The following GAREM2 variants were observed in gnomAD, a reference collection of about 807,000 sequenced individuals.
GAREM2 encodes the protein GRB2-associated and regulator of MAPK protein 2.
GAREM2 carries 30 observed loss-of-function variants against 55.6 expected under a neutral mutation model. The ratio of observed to expected loss-of-function variants is 0.54; its 90% confidence interval spans 0.40 to 0.73. The LOEUF is 0.73. GAREM2 is among the 30% of genes least tolerant of loss of function. The probability of loss-of-function intolerance (pLI) is 0.00; values close to 1 mark genes in which losing one functional copy is unlikely to be tolerated. For missense variants in GAREM2, 1,075 were observed against 1,257.7 expected, an observed-to-expected ratio of 0.85 and a Z score of 2.20; for synonymous variants, 550 against 569.1, an observed-to-expected ratio of 0.97 and a Z score of 0.48.
At chr2:26,199,788 G>A in the GAREM2 span, among the ~76,000 whole-genome samples, 2 of 152,004 alleles carry the variant, frequency 1.3e-5, no homozygotes, top group African/African-American at 4.8e-5. Context: ...TGTTCTCTTG[G>A]AAGCCTGCAG....
At chr2:26,193,870 C>G, downstream of GAREM2, 1 of 947,892 alleles carries the variant, frequency 1.1e-6, no homozygotes, top group Non-Finnish European at 1.7e-6. Flanking sequence ...TGTGTAAAAC[C>G]CACTTCTGAG....
intron 1 of GAREM2, among the ~76,000 whole-genome samples, chr2:26,174,323 T>C (rs138401451): frequency 1.7e-4 from 26 of 152,354 alleles, no homozygotes; most frequent in Non-Finnish European, 8.8e-5. Context: ...TCTAGTTCTC[T>C]GGCTCGCGGC....
rs988555470 is a variant in GAREM2 at position 26,188,525 on chromosome 2, C to G, written c.*268C>G. On this transcript the variant is annotated 3_prime_UTR_variant, in exon 6 of 6. Coordinates refer to ENST00000401533, the MANE Select transcript of GAREM2 (RefSeq NM_001168241.2). ...GTACCTGGGCCCAGTAAGGCATTTGCCGTGATTCCCACAACGGGGTCAAAA... is the reference window on the plus strand; with the variant it reads ...GTACCTGGGCCCAGTAAGGCATTTGGCGTGATTCCCACAACGGGGTCAAAA... The G allele has an allele frequency of 2.8e-6, 1 of 356,792 alleles. No homozygotes were observed. Among genetic ancestry groups the G allele is most frequent in the East Asian group, 4.2e-5 (1 of 24,034 alleles). 22.1% of individuals were successfully genotyped at this position (356,792 alleles called of 1,614,324 possible). A position where few individuals can be genotyped will look rare whatever the true frequency, so the allele number is the denominator to read the frequency against.
chr2:26,186,129 G>T, intron 4 of GAREM2, 60 bp from the exon 5 acceptor site: 1 of 1,424,726 alleles, frequency 7.0e-7, no homozygotes. Flanking sequence ...CTTGGGAAGG[G>T]GAAGATAAGG....
chr2:26,191,879 CTT>C (rs991352957), downstream of GAREM2, among the ~76,000 whole-genome samples: 10 of 152,336 alleles, frequency 6.6e-5, no homozygotes, highest in African/African-American at 2.2e-4. Flanking sequence ...ATCAGTATCT[CTT>C]TGACATCAGC....
At chr2:26,202,330 A>G in the GAREM2 span, among the ~76,000 whole-genome samples, 7 of 152,226 alleles carry the variant, frequency 4.6e-5, no homozygotes, top group African/African-American at 1.7e-4. Flanking sequence ...CCACACTTTC[A>G]GAATAAATTA....
downstream of GAREM2, among the ~76,000 whole-genome samples, chr2:26,191,846 CAG>C (rs1027408812): frequency 2.6e-5 from 4 of 152,190 alleles, no homozygotes; most frequent in Non-Finnish European, 5.9e-5. Flanking sequence ...GCACCTAGAA[CAG>C]GGCCTGGTGC....
In GAREM2 at chr2:26,188,494, C is replaced by T; in HGVS notation, c.*237C>T. The T allele has an allele frequency of 2.6e-6, 1 of 390,140 alleles. No homozygotes were observed. Among genetic ancestry groups the T allele is most frequent in the Non-Finnish European group, 4.5e-6 (1 of 220,928 alleles). The allele number at this position is 390,140 out of a possible 1,614,324, so 24.2% of individuals were successfully genotyped here. A position where few individuals can be genotyped will look rare whatever the true frequency, so the allele number is the denominator to read the frequency against. On this transcript the variant is annotated 3_prime_UTR_variant, in exon 6 of 6. Coordinates refer to ENST00000401533, the MANE Select transcript of GAREM2 (RefSeq NM_001168241.2). ...TACATGGGGAAGGGGCTGGGGGCAC[C>T]ACTGTGTACCTGGGCCCAGTAAGGC...
intron 2 of GAREM2, among the ~76,000 whole-genome samples, chr2:26,180,123 A>C (rs1668996229): frequency 6.6e-6 from 1 of 152,076 alleles, no homozygotes. Context: ...CGGGGAGGGC[A>C]GGCCTGGGGG....
intron 2 of GAREM2, among the ~76,000 whole-genome samples, chr2:26,178,410 AC>A (rs5830003): frequency 0.72 from 104,896 of 145,058 alleles, 37,429 homozygotes; most frequent in African/African-American, 0.82. Context: ...AAAACAAACA[AC>A]CCCCCCCCCC....
chr2:26,191,487 C>G, downstream of GAREM2: 1 of 1,614,198 alleles, frequency 6.2e-7, no homozygotes, highest in Non-Finnish European at 8.5e-7. Flanking sequence ...ACCAACCTCC[C>G]AGACAAGGCG....
chr2:26,201,217 C>T, the GAREM2 span: 84 of 1,613,506 alleles, frequency 5.2e-5, no homozygotes, highest in Middle Eastern at 1.6e-4. Context: ...ATCACCATGT[C>T]GGCCTTTTCA....
Position 26,187,672 on chromosome 2 carries a change from C to T in GAREM2, c.2040C>T (p.Pro680=), listed in dbSNP as rs757179170. The T allele has an allele frequency of 1.6e-5, 24 of 1,518,276 alleles. No homozygotes were observed. Among genetic ancestry groups the T allele is most frequent in the African/African-American group, 1.1e-4 (8 of 71,734 alleles). The allele number at this position is 1,518,276 out of a possible 1,614,324, so 94.1% of individuals were successfully genotyped here. Residue 680 remains proline, a synonymous_variant, in exon 6 of 6, where the codon CCC becomes CCT. Coordinates refer to ENST00000401533, the MANE Select transcript of GAREM2 (RefSeq NM_001168241.2). ...SPGQAYSAAP[P]SSCAPSSSSS... is the part of the protein sequence containing the mutation. ...GCCAGGCCTATTCAGCTGCTCCCCC[C>T]TCCTCCTGCGCCCCCTCCTCCTCCT...
chr2:26,193,450 G>A (rs1348406105), downstream of GAREM2: 5 of 837,036 alleles, frequency 6.0e-6, no homozygotes, highest in Admixed American at 1.7e-5. Flanking sequence ...TTTTGAAATC[G>A]CCAGTGATAA....
chr2:26,174,346 G>A (rs1668793386), intron 1 of GAREM2, among the ~76,000 whole-genome samples: 1 of 152,252 alleles, frequency 6.6e-6, no homozygotes, highest in South Asian at 2.1e-4. Flanking sequence ...AGTGGTCAGA[G>A]TGTGGTACTG....
downstream of GAREM2, chr2:26,191,070 A>C: frequency 1.5e-6 from 1 of 674,070 alleles, no homozygotes. Flanking sequence ...ACTAATTCGA[A>C]GTCACACTTC....
At chr2:26,195,761 C>G in the GAREM2 span, among the ~76,000 whole-genome samples, 1 of 152,206 alleles carries the variant, frequency 6.6e-6, no homozygotes, top group Non-Finnish European at 1.5e-5. Context: ...AAGTGTAGTA[C>G]CCGGACCCAA....
At chr2:26,202,316 C>T in the GAREM2 span, among the ~76,000 whole-genome samples, 1 of 152,204 alleles carries the variant, frequency 6.6e-6, no homozygotes, top group Non-Finnish European at 1.5e-5. Flanking sequence ...TAGATTCCGT[C>T]TGACCACACT....
chr2:26,200,706 T>C, the GAREM2 span, among the ~76,000 whole-genome samples: 1 of 151,058 alleles, frequency 6.6e-6, no homozygotes, highest in African/African-American at 2.4e-5. Flanking sequence ...TGAGCACACA[T>C]AAAAACTTAA....
Sources: allele counts gnomAD v4.1 joint callset (sites outside exome capture counted in the v4.1 genomes callset), GRCh38; gene constraint gnomAD v4.1.1; transcripts MANE v1.5; gene names NCBI Gene and HGNC (gene_info 2026-07-23, HGNC 2026-07-21).